Variants in PPM1H observed in about 807,000 individuals in gnomAD.
The protein encoded by PPM1H is protein phosphatase 1H.
PPM1H carries 27 observed loss-of-function variants against 54.9 expected under a neutral mutation model. The observed-to-expected ratio is 0.49, with a 90% CI of 0.36 to 0.68. PPM1H has a LOEUF of 0.68. Among genes scored for constraint, PPM1H ranks in the 30% least tolerant of loss-of-function variants. PPM1H has a pLI of 0.00. For missense variants in PPM1H, 596 were observed against 667.8 expected (o/e 0.89, Z 1.19); for synonymous variants, 305 against 270.8 (o/e 1.13, Z -1.24).
At position 62,884,515 on chromosome 12, in the gene PPM1H, A is replaced by G. The variant is rs563108623; in HGVS notation, c.245+49977T>C. On this transcript the variant is annotated intron_variant, in intron 1 of 9. Transcript: ENST00000228705. ...AAACTCCATATCAAAAAAAAAAAAA[A>G]AAAGAAAGAAAGAAAGAGAGAAAAG... 1.7e-3 allele frequency among the ~76,000 whole-genome samples: 255 copies of G among 146,410 alleles called. 2 individuals are homozygous for G. Among genetic ancestry groups the G allele is most frequent in the East Asian group, 5.3e-3 (27 of 5,084 alleles).
intron 2 of PPM1H, among the ~76,000 whole-genome samples, chr12:62,806,529 T>C (rs1225811527): frequency 2.0e-5 from 3 of 152,158 alleles, no homozygotes; most frequent in Non-Finnish European, 2.9e-5. Flanking sequence ...ATCCCCAGTG[T>C]TGGAGGAGGG....
intron 1 of PPM1H, among the ~76,000 whole-genome samples, chr12:62,868,028 T>C (rs1372269152): frequency 6.6e-6 from 1 of 152,234 alleles, no homozygotes; most frequent in East Asian, 1.9e-4. Flanking sequence ...TAACAAGATG[T>C]AATAGGACTG....
intron 2 of PPM1H, among the ~76,000 whole-genome samples, chr12:62,824,288 A>T (rs1868263584): frequency 6.6e-6 from 1 of 152,208 alleles, no homozygotes; most frequent in African/African-American, 2.4e-5. Flanking sequence ...ATGCTCATGG[A>T]TAGGAAGAAT....
chr12:62,680,234 C>CTCTCTT (rs1455065677), intron 8 of PPM1H, among the ~76,000 whole-genome samples: 1 of 151,722 alleles, frequency 6.6e-6, no homozygotes, highest in Non-Finnish European at 1.5e-5. Flanking sequence ...TTCTCTCTCT[C>CTCTCTT]TCTCTTTCTC....
chr12:62,917,813 G>A (rs1052799692), intron 1 of PPM1H, among the ~76,000 whole-genome samples: 4 of 152,172 alleles, frequency 2.6e-5, no homozygotes, highest in Admixed American at 2.6e-4. Context: ...GGGAGAGCAG[G>A]ATACTGTCCT....
intron 5 of PPM1H, among the ~76,000 whole-genome samples, chr12:62,721,542 G>A (rs1374520927): frequency 6.6e-6 from 1 of 152,122 alleles, no homozygotes; most frequent in East Asian, 1.9e-4. Flanking sequence ...AAATTCTGCT[G>A]GGAGTAAGGC....
chr12:62,811,103 G>A (rs951985954), intron 2 of PPM1H, among the ~76,000 whole-genome samples: 1 of 152,188 alleles, frequency 6.6e-6, no homozygotes, highest in African/African-American at 2.4e-5. Flanking sequence ...TAACCATGGG[G>A]TATGGGGGGC....
chr12:62,809,696 G>A (rs1026487438), intron 2 of PPM1H, among the ~76,000 whole-genome samples: 41 of 152,162 alleles, frequency 2.7e-4, no homozygotes, highest in Admixed American at 2.0e-4. Context: ...AGAATCTTCA[G>A]TTACTCCCTA....
intron 8 of PPM1H, among the ~76,000 whole-genome samples, chr12:62,667,827 A>G (rs1460155062): frequency 1.3e-5 from 2 of 152,228 alleles, no homozygotes; most frequent in African/African-American, 4.8e-5. Flanking sequence ...CAGGATTCTT[A>G]GTAGCTGCTC....
At chr12:62,769,495 A>G in intron 4 of PPM1H, among the ~76,000 whole-genome samples, 1 of 152,250 alleles carries the variant, frequency 6.6e-6, no homozygotes, top group East Asian at 1.9e-4. Context: ...GAGCCTGCTC[A>G]TAAGCTAAAG....
rs750202904 is a variant in PPM1H, at chr12:62,934,644, T to A, written c.93A>T (p.Gly31=). The change falls in exon 1 of 10, where the codon GGA becomes GGT. Residue 31 remains glycine, a synonymous_variant. Coordinates refer to ENST00000228705, the MANE Select transcript of PPM1H (RefSeq NM_020700.2). The surrounding 1 kb of genome is among the most constrained non-coding windows in gnomAD (Gnocchi z 4.2). ...GGAAACGCAGGGGCAGGTCCGAGCC[T>A]CCGCAGCTGCCGCCGCCGTGCTCGG... ...SGSEHGGGSC[G]GSDLPLRFPY... 8 of 1,594,690 alleles carry A rather than the reference T, an allele frequency of 5.0e-6. No homozygotes were observed. The highest frequency in any genetic ancestry group is 6.8e-6 in the Non-Finnish European group (8 of 1,172,282).
At chr12:62,932,632 T>TTTTTTTTTTTTTTTTTTG in intron 1 of PPM1H, among the ~76,000 whole-genome samples, 1 of 122,674 alleles carries the variant, frequency 8.2e-6, no homozygotes, top group Non-Finnish European at 1.7e-5. Context: ...AATGGGCTTT[T>TTTTTTTTTTTTTTTTTTG]TTTTTTTTTT....
chr12:62,688,370 CCTT>C (rs1378526652), intron 8 of PPM1H, among the ~76,000 whole-genome samples: 13 of 152,140 alleles, frequency 8.5e-5, no homozygotes, highest in African/African-American at 3.1e-4. Context: ...CAGATTTCAG[CCTT>C]CTTACTGGGT....
Position 62,934,638 on chromosome 12 carries a change from C to T in PPM1H, c.99G>A (p.Ser33=). The T allele has an allele frequency of 6.3e-7, 1 of 1,592,862 alleles. No individual in the cohort carries two copies. The highest frequency in any genetic ancestry group is 2.3e-5 in the East Asian group (1 of 43,528). Residue 33 remains serine (S), a synonymous_variant, in exon 1 of 10, where the codon TCG becomes TCA. Coordinates refer to ENST00000228705, the MANE Select transcript of PPM1H (RefSeq NM_020700.2). This position sits in a 1 kb window ranked among gnomAD's most constrained non-coding sequence, Gnocchi z 4.2. ...CGTAGGGGAAACGCAGGGGCAGGTC[C>T]GAGCCTCCGCAGCTGCCGCCGCCGT... ...SEHGGGSCGG[S]DLPLRFPYGR...
intron 9 of PPM1H, among the ~76,000 whole-genome samples, chr12:62,665,355 C>T (rs566264133): frequency 7.8e-4 from 119 of 152,094 alleles, no homozygotes; most frequent in Non-Finnish European, 1.4e-3. Context: ...GGCTTTTCTT[C>T]GGTTTCACTA....
intron 8 of PPM1H, among the ~76,000 whole-genome samples, chr12:62,673,291 C>T (rs75006325): frequency 6.6e-6 from 1 of 152,296 alleles, no homozygotes; most frequent in East Asian, 1.9e-4. Flanking sequence ...GAGCCTGTGA[C>T]AAGCAACTCT....
rs116885209 is a variant in PPM1H at position 62,648,657 on chromosome 12, C to A, written c.1398-21G>T. 5.0e-6 allele frequency: 8 copies of A among 1,612,262 alleles called. No individual in the cohort carries two copies. In the South Asian group the frequency reaches 6.6e-5, roughly 13 times the overall value. ...TGTACCTACACAGGAGAACCAGGAACGAGACAGTCAGTAGAGCATCAGACA... is the reference window on the plus strand; with the variant it reads ...TGTACCTACACAGGAGAACCAGGAAAGAGACAGTCAGTAGAGCATCAGACA... On this transcript the variant is annotated intron_variant, in intron 9 of 9. Transcript: ENST00000228705.
Position 62,659,268 on chromosome 12 carries a change from GCAAA to G in PPM1H, c.1397+7906_1397+7909del. ...TGTGTTCTAAAAAACCGTAAAAACT[GCAAA>G]AAAAAAAAAAAAAAAAAAAGAGAAA... is the stretch of plus-strand genomic sequence containing the variant. On this transcript the variant is annotated intron_variant, in intron 9 of 9. Coordinates refer to ENST00000228705, the MANE Select transcript of PPM1H (RefSeq NM_020700.2). 3.6e-4 allele frequency: 5 copies of G among 14,044 alleles called. No homozygotes were observed. The South Asian group carries it at 4.8e-3, about 14-fold the overall frequency. 0.9% of individuals were successfully genotyped at this position (14,044 alleles called of 1,614,324 possible). A position where few individuals can be genotyped will look rare whatever the true frequency, so the allele number is the denominator to read the frequency against.
chr12:62,725,573 A>T (rs1251291879), intron 5 of PPM1H, among the ~76,000 whole-genome samples: 1 of 152,240 alleles, frequency 6.6e-6, no homozygotes, highest in Non-Finnish European at 1.5e-5. Flanking sequence ...AAGCATAAAA[A>T]TATACAAAGT....
Sources: allele counts gnomAD v4.1 joint callset (sites outside exome capture counted in the v4.1 genomes callset), GRCh38; gene constraint gnomAD v4.1.1; non-coding constraint Gnocchi (gnomAD v3.1); transcripts MANE v1.5; gene names NCBI Gene and HGNC (gene_info 2026-07-23, HGNC 2026-07-21).